Variants in SPOCK1 observed in about 807,000 individuals in gnomAD.
SPOCK1 encodes the protein SPARC (osteonectin), cwcv and kazal like domains proteoglycan 1, also known as testican-1.
SPOCK1 carries 23 observed loss-of-function variants against 55.3 expected under a neutral mutation model. The observed-to-expected ratio is 0.42, with a 90% CI of 0.30 to 0.59. The LOEUF is 0.59. Among genes scored for constraint, SPOCK1 ranks in the 20% least tolerant of loss-of-function variants. The pLI, the probability that SPOCK1 is intolerant of heterozygous loss-of-function variation, is 0.22. For missense variants in SPOCK1, 499 were observed against 552.5 expected (o/e 0.90, Z 0.97); for synonymous variants, 226 against 221.0 (o/e 1.02, Z -0.20).
At chr5:137,268,722 G>GA (rs1252030442) in intron 2 of SPOCK1, among the ~76,000 whole-genome samples, 6 of 82,082 alleles carry the variant, frequency 7.3e-5, no homozygotes, top group African/African-American at 3.5e-4. Flanking sequence ...CACAAGTGGA[G>GA]AAAAAAAGGA....
chr5:137,345,355 T>C (rs1290381591), intron 2 of SPOCK1, among the ~76,000 whole-genome samples: 3 of 152,230 alleles, frequency 2.0e-5, no homozygotes. Flanking sequence ...GAGCTCTTCC[T>C]GTTTATGGGG....
intron 3 of SPOCK1, among the ~76,000 whole-genome samples, chr5:137,161,787 G>A (rs1029857137): frequency 2.6e-5 from 4 of 152,096 alleles, no homozygotes; most frequent in Admixed American, 1.3e-4. Context: ...CTGTATCTAA[G>A]ATGTGAGCAA....
At chr5:137,190,096 C>T (rs932464512) in intron 3 of SPOCK1, among the ~76,000 whole-genome samples, 1 of 151,994 alleles carries the variant, frequency 6.6e-6, no homozygotes, top group African/African-American at 2.4e-5. Context: ...ATGGAATCTA[C>T]TGCTGGTGAA....
intron 2 of SPOCK1, among the ~76,000 whole-genome samples, chr5:137,407,795 G>A (rs1183346764): frequency 1.3e-5 from 2 of 152,180 alleles, no homozygotes; most frequent in Non-Finnish European, 2.9e-5. Flanking sequence ...CAGAGCCATA[G>A]AGACAGAGAA....
chr5:137,370,253 GA>G (rs1751170044), intron 2 of SPOCK1, among the ~76,000 whole-genome samples: 1 of 152,154 alleles, frequency 6.6e-6, no homozygotes, highest in African/African-American at 2.4e-5. Flanking sequence ...AAAGGAAACT[GA>G]AAACACAAGA....
chr5:137,399,307 TA>T (rs1336332885), intron 2 of SPOCK1, among the ~76,000 whole-genome samples: 1 of 152,162 alleles, frequency 6.6e-6, no homozygotes, highest in Non-Finnish European at 1.5e-5. Flanking sequence ...ATAAACCTAC[TA>T]GGGGATATCC....
At chr5:137,298,131 G>A (rs1404782270) in intron 2 of SPOCK1, among the ~76,000 whole-genome samples, 4 of 152,120 alleles carry the variant, frequency 2.6e-5, no homozygotes, top group African/African-American at 7.2e-5. Flanking sequence ...TGAAGATTAC[G>A]TTTAAGGTAC....
intron 2 of SPOCK1, among the ~76,000 whole-genome samples, chr5:137,270,305 C>T (rs562133375): frequency 2.0e-4 from 30 of 152,168 alleles, no homozygotes; most frequent in Non-Finnish European, 2.6e-4. Context: ...TTGCAAGGAG[C>T]CCAGCAACAG....
chr5:137,058,367 G>A (rs73790677), intron 6 of SPOCK1, among the ~76,000 whole-genome samples: 1,604 of 152,286 alleles, frequency 0.011, 37 homozygotes, highest in African/African-American at 0.037. Flanking sequence ...ACATTATTTG[G>A]CTGTTAGGGG....
chr5:137,088,289 C>T (rs536208466), intron 5 of SPOCK1, among the ~76,000 whole-genome samples: 5 of 152,332 alleles, frequency 3.3e-5, no homozygotes, highest in Admixed American at 1.3e-4. Flanking sequence ...AAGTCACATC[C>T]TTCTCCTGCA....
chr5:137,066,479 A>G (rs1288132048), intron 6 of SPOCK1, among the ~76,000 whole-genome samples: 2 of 152,222 alleles, frequency 1.3e-5, no homozygotes, highest in Non-Finnish European at 2.9e-5. Flanking sequence ...AAAGCAATAA[A>G]CAATATACCT....
intron 2 of SPOCK1, among the ~76,000 whole-genome samples, chr5:137,481,685 G>T (rs1753953493): frequency 6.6e-6 from 1 of 152,210 alleles, no homozygotes; most frequent in Admixed American, 6.5e-5. Context: ...GGAGTGTCAA[G>T]GTCTCTTGTT....
At chr5:137,179,954 A>T (rs1754938499) in intron 3 of SPOCK1, among the ~76,000 whole-genome samples, 2 of 152,192 alleles carry the variant, frequency 1.3e-5, no homozygotes, top group African/African-American at 4.8e-5. Flanking sequence ...GATGCCAGGC[A>T]ACAGAGCGCC....
chr5:137,050,919 T>G (rs936025922), intron 6 of SPOCK1, among the ~76,000 whole-genome samples: 2 of 152,230 alleles, frequency 1.3e-5, no homozygotes, highest in Non-Finnish European at 1.5e-5. Flanking sequence ...GCAGACGTTT[T>G]CCAAGGAGGC....
intron 3 of SPOCK1, among the ~76,000 whole-genome samples, chr5:137,185,328 C>A (rs914905752): frequency 6.6e-6 from 1 of 152,164 alleles, no homozygotes; most frequent in East Asian, 1.9e-4. Context: ...AAGACTGAGG[C>A]CAGAAGAACC....
intron 6 of SPOCK1, among the ~76,000 whole-genome samples, chr5:137,039,308 A>G (rs116177048): frequency 0.031 from 3,035 of 97,944 alleles, 71 homozygotes; most frequent in African/African-American, 0.049. Context: ...TGTTGTTGCA[A>G]CGGGGACATT....
chr5:137,286,053 G>T (rs1239455139), intron 2 of SPOCK1, among the ~76,000 whole-genome samples: 1 of 152,132 alleles, frequency 6.6e-6, no homozygotes, highest in African/African-American at 2.4e-5. Context: ...GCTCTAAACA[G>T]ACTACATCTC....
At chr5:137,103,147 C>A (rs182283720) in intron 5 of SPOCK1, among the ~76,000 whole-genome samples, 1 of 152,116 alleles carries the variant, frequency 6.6e-6, no homozygotes, top group Non-Finnish European at 1.5e-5. Context: ...CCTACCACCA[C>A]GCCCGGCTGA....
At chr5:137,004,460 G>C (rs1323420384) in intron 6 of SPOCK1, among the ~76,000 whole-genome samples, 4 of 152,088 alleles carry the variant, frequency 2.6e-5, no homozygotes, top group African/African-American at 9.7e-5. Flanking sequence ...TAGTGACTTG[G>C]CATGAAAAGT....
Sources: gnomAD v4.1 joint callset for allele counts (sites outside exome capture counted in the v4.1 genomes callset) on GRCh38, gnomAD v4.1.1 for gene constraint, MANE v1.5 for transcripts, NCBI Gene and HGNC (gene_info 2026-07-23, HGNC 2026-07-21) for gene names.